The following IL1R2 variants were observed in gnomAD, a reference collection of about 807,000 sequenced individuals.
IL1R2 encodes interleukin-1 receptor type 2.
In IL1R2, 46 loss-of-function variants were observed where a neutral mutation model predicts 39.5. The ratio of observed to expected loss-of-function variants is 1.16; its 90% confidence interval spans 0.92 to 1.49. The LOEUF (loss-of-function observed/expected upper bound fraction) is 1.49. Among genes scored for constraint, IL1R2 ranks in the 40% most tolerant of loss-of-function variants. IL1R2 has a pLI of 0.00. For missense variants in IL1R2, 537 were observed against 502.0 expected (o/e 1.07, Z -0.67); for synonymous variants, 207 against 189.6 (o/e 1.09, Z -0.75).
chr2:102,019,306 G>A (rs1449683854), intron 4 of IL1R2, among the ~76,000 whole-genome samples: 1 of 152,202 alleles, frequency 6.6e-6, no homozygotes, highest in East Asian at 1.9e-4. Context: ...ACTTCCTAAG[G>A]CCTGAAGGTA....
chr2:102,028,025 C>T (rs562605505), intron 8 of IL1R2, among the ~76,000 whole-genome samples: 21 of 152,342 alleles, frequency 1.4e-4, no homozygotes, highest in East Asian at 3.9e-4. Flanking sequence ...TGCCCTATCA[C>T]GCTCGTTTCT....
At chr2:101,997,379 A>G (rs1265319764) in intron 1 of IL1R2, among the ~76,000 whole-genome samples, 1 of 152,206 alleles carries the variant, frequency 6.6e-6, no homozygotes, top group African/African-American at 2.4e-5. Context: ...GGGCATGAGT[A>G]CCAGCCCATC....
chr2:102,020,432 G>A lies in IL1R2; in HGVS notation c.688+620G>A, dbSNP rs946729659. 1.9e-4 allele frequency among the ~76,000 whole-genome samples: 29 copies of A among 152,328 alleles called. No individual in the cohort carries two copies. The East Asian group carries it at 5.4e-3, about 28-fold the overall frequency. ...CAACTGTGTGCCGGACATGGAGACA[G>A]GTGTAACCATGTGTAAATCCTGGAC... is the stretch of plus-strand genomic sequence containing the variant. On this transcript the variant is annotated intron_variant, in intron 5 of 8. Coordinates refer to ENST00000332549, the MANE Select transcript of IL1R2 (RefSeq NM_004633.4).
chr2:102,019,005 T>C (rs1677187427), intron 4 of IL1R2, among the ~76,000 whole-genome samples: 1 of 152,210 alleles, frequency 6.6e-6, no homozygotes, highest in African/African-American at 2.4e-5. Context: ...GAAAGTGATG[T>C]CCCTGAGAAC....
chr2:102,013,624 G>A (rs552739382), intron 3 of IL1R2, among the ~76,000 whole-genome samples: 1 of 147,548 alleles, frequency 6.8e-6, no homozygotes, highest in African/African-American at 2.5e-5. Context: ...GGCAGTCAAG[G>A]TTATGCTGCT....
chr2:102,000,742 T>C (rs7561460), intron 1 of IL1R2, among the ~76,000 whole-genome samples: 64,796 of 150,900 alleles, frequency 0.43, 13,612 homozygotes, highest in East Asian at 0.46. Flanking sequence ...TGTGTAGGCT[T>C]GGGTTTACAT....
intron 4 of IL1R2, among the ~76,000 whole-genome samples, chr2:102,018,796 G>A (rs1280735682): frequency 6.6e-6 from 1 of 152,098 alleles, no homozygotes; most frequent in African/African-American, 2.4e-5. Flanking sequence ...GTGGTGCTGG[G>A]CTCTATTTGG....
At chr2:102,014,638 AC>A (rs1411736903) in intron 3 of IL1R2, among the ~76,000 whole-genome samples, 1 of 150,746 alleles carries the variant, frequency 6.6e-6, no homozygotes, top group Non-Finnish European at 1.5e-5. Flanking sequence ...CATTTCTTTC[AC>A]CTTTTTTTTA....
At chr2:102,019,382 T>C (rs1460690019) in intron 4 of IL1R2, among the ~76,000 whole-genome samples, 12 of 152,306 alleles carry the variant, frequency 7.9e-5, no homozygotes, top group African/African-American at 2.9e-4. Flanking sequence ...GTTCGTCTCT[T>C]TTTTTTCCCC....
intron 4 of IL1R2, chr2:102,016,321 A>T (rs1162264603): frequency 4.4e-5 from 12 of 271,710 alleles, no homozygotes; most frequent in African/African-American, 2.6e-4. Flanking sequence ...CTACTGTCAC[A>T]TGCTGCATGA....
intron 3 of IL1R2, 43 bp downstream of exon 3, chr2:102,009,869 A>T (rs200650515): frequency 1.0e-4 from 161 of 1,600,854 alleles, no homozygotes; most frequent in Non-Finnish European, 2.1e-5. Context: ...TCCTGGCAGG[A>T]TGGAGGCTTG....
At chr2:102,008,931 G>A (rs574145330) in intron 2 of IL1R2, among the ~76,000 whole-genome samples, 1 of 151,724 alleles carries the variant, frequency 6.6e-6, no homozygotes, top group Admixed American at 6.6e-5. Context: ...GGGAGGCTGA[G>A]GTGAGAGGAG....
rs1677610904 is a variant in IL1R2 at position 102,024,554 on chromosome 2, G to C, written c.773G>C (p.Cys258Ser). The change falls in exon 7 of 9, where the codon TGT becomes TCT. Residue 258 changes from cysteine to serine, a missense_variant. Cys to Ser is a moderately radical substitution (Grantham distance 112). Coordinates refer to ENST00000332549, the MANE Select transcript of IL1R2 (RefSeq NM_004633.4). Reference protein sequence around the residue: ...ASLGSRLTIPCKVFLGTGTPL... With the variant: ...ASLGSRLTIPSKVFLGTGTPL... ...ACAGGGTCAAGACTGACAATCCCGT[G>C]TAAGGTGTTTCTGGGAACCGGCACA... 1.2e-6 allele frequency: 2 copies of C among 1,613,976 alleles called. No homozygotes were observed. The highest frequency in any genetic ancestry group is 1.7e-5 in the Admixed American group (1 of 60,000).
At chr2:102,016,425 G>T in intron 4 of IL1R2, 1 of 171,786 alleles carries the variant, frequency 5.8e-6, no homozygotes, top group South Asian at 1.4e-4. Flanking sequence ...TGACATCATA[G>T]CTGTCTCAAC....
At chr2:102,027,589 G>A (rs1308268956) in intron 8 of IL1R2, among the ~76,000 whole-genome samples, 1 of 152,204 alleles carries the variant, frequency 6.6e-6, no homozygotes, top group Admixed American at 6.5e-5. Context: ...CTGAGGTCAT[G>A]TCGATTCCTG....
At chr2:102,021,988 TG>T in intron 5 of IL1R2, 198 bp from the exon 6 acceptor site, 1 of 572,584 alleles carries the variant, frequency 1.7e-6, no homozygotes, top group South Asian at 2.1e-5. Flanking sequence ...TTCCAGTAAT[TG>T]CTCTGCTGGG....
chr2:102,017,729 G>A (rs1677098494), intron 4 of IL1R2, among the ~76,000 whole-genome samples: 1 of 150,962 alleles, frequency 6.6e-6, no homozygotes, highest in African/African-American at 2.5e-5. Flanking sequence ...GGTAAATTAA[G>A]TTTCACTGGA....
At chr2:102,022,871 C>T (rs561815074) in intron 6 of IL1R2, among the ~76,000 whole-genome samples, 3 of 152,278 alleles carry the variant, frequency 2.0e-5, no homozygotes, top group East Asian at 1.9e-4. Context: ...AGTGGTGGGG[C>T]GGAATTGATG....
intron 4 of IL1R2, among the ~76,000 whole-genome samples, chr2:102,018,647 G>A (rs536789964): frequency 6.6e-5 from 10 of 152,274 alleles, no homozygotes; most frequent in South Asian, 2.1e-4. Context: ...CATGCAACCC[G>A]ATGAAGTAGG....
Sources: allele counts gnomAD v4.1 joint callset (sites outside exome capture counted in the v4.1 genomes callset), GRCh38; gene constraint gnomAD v4.1.1; transcripts MANE v1.5; gene names NCBI Gene and HGNC (gene_info 2026-07-23, HGNC 2026-07-21).